The following SMOC2 variants were observed in gnomAD, a reference collection of about 807,000 sequenced individuals.
The protein encoded by SMOC2 is SPARC-related modular calcium-binding protein 2.
Under a neutral mutation model 61.4 loss-of-function variants are expected in SMOC2, and 39 were observed. The ratio of observed to expected loss-of-function variants is 0.64; its 90% confidence interval spans 0.49 to 0.83. The LOEUF is 0.83. Ranked by LOEUF, SMOC2 falls within the 40% of genes least tolerant of loss-of-function variation. The pLI is 0.00. For synonymous variants in SMOC2, 247 were observed against 239.9 expected (o/e 1.03, Z -0.27); for missense variants, 556 against 592.9 (o/e 0.94, Z 0.65).
chr6:168,605,851 T>G (rs1012816944), intron 8 of SMOC2, among the ~76,000 whole-genome samples: 1 of 152,036 alleles, frequency 6.6e-6, no homozygotes, highest in African/African-American at 2.4e-5. Context: ...TGCCCTCTGA[T>G]ACTCGGAGAA....
intron 1 of SMOC2, among the ~76,000 whole-genome samples, chr6:168,485,548 A>G (rs966309538): frequency 1.3e-5 from 2 of 152,214 alleles, no homozygotes; most frequent in African/African-American, 4.8e-5. Flanking sequence ...CAGAAACATT[A>G]TACTGAGAGT....
intron 10 of SMOC2, 25 bp downstream of exon 10, chr6:168,650,808 A>AC: frequency 6.3e-7 from 1 of 1,591,682 alleles, no homozygotes. Context: ...CCGTGGGACA[A>AC]CAAGTTGGCA....
At chr6:168,460,894 C>G (rs200725635) in intron 1 of SMOC2, among the ~76,000 whole-genome samples, 43,547 of 152,032 alleles carry the variant, frequency 0.29, 8,006 homozygotes, top group African/African-American at 0.51. Context: ...AATGAGTAAT[C>G]ACTATCAAAC....
intron 1 of SMOC2, among the ~76,000 whole-genome samples, chr6:168,471,647 A>G (rs1781970254): frequency 6.6e-6 from 1 of 152,180 alleles, no homozygotes; most frequent in South Asian, 2.1e-4. Flanking sequence ...TAGTGCCTAT[A>G]TCATTTTATA....
chr6:168,449,611 C>T (rs937180056), intron 1 of SMOC2, among the ~76,000 whole-genome samples: 1 of 151,958 alleles, frequency 6.6e-6, no homozygotes, highest in Non-Finnish European at 1.5e-5. Flanking sequence ...CTAAAATGTA[C>T]CTTGGAAAAA....
At chr6:168,524,943 G>A (rs1177160995) in intron 2 of SMOC2, among the ~76,000 whole-genome samples, 2 of 152,216 alleles carry the variant, frequency 1.3e-5, no homozygotes, top group Non-Finnish European at 2.9e-5. Flanking sequence ...TGGAGCCCAG[G>A]GCTGGTAATC....
chr6:168,564,756 A>G lies in SMOC2; in HGVS notation c.637+15553A>G, dbSNP rs531050381. Among the ~76,000 whole-genome samples, 5 of 152,330 alleles carry G rather than the reference A, an allele frequency of 3.3e-5. No homozygotes were observed. The East Asian group carries it at 9.7e-4, about 29-fold the overall frequency. The stretch of plus-strand genomic sequence containing the variant: ...TGTGAGCCAGTGTCAAGCCCATGAC[A>G]GGAGGCTGATGACGGGCAGCCGCTG... On this transcript the variant is annotated intron_variant, in intron 7 of 12. Coordinates refer to ENST00000356284, the MANE Select transcript of SMOC2 (RefSeq NM_001166412.2).
intron 9 of SMOC2, among the ~76,000 whole-genome samples, chr6:168,625,527 T>C (rs1160869276): frequency 6.6e-6 from 1 of 152,200 alleles, no homozygotes; most frequent in Non-Finnish European, 1.5e-5. Context: ...CTTTTGGTGG[T>C]TTTCTTTCTC....
intron 1 of SMOC2, among the ~76,000 whole-genome samples, chr6:168,481,237 A>G (rs1583046616): frequency 6.6e-6 from 1 of 152,290 alleles, no homozygotes; most frequent in East Asian, 1.9e-4. Context: ...ACACAATTTG[A>G]GACTAATACA....
intron 8 of SMOC2, 122 bp downstream of exon 8, chr6:168,599,126 TCACA>T (rs1050506202): frequency 7.2e-5 from 59 of 816,632 alleles, no homozygotes; most frequent in Admixed American, 2.5e-4. Flanking sequence ...ACACTCACAC[TCACA>T]CACACTGATA....
At chr6:168,589,093 A>G (rs952645697) in intron 7 of SMOC2, among the ~76,000 whole-genome samples, 1 of 152,002 alleles carries the variant, frequency 6.6e-6, no homozygotes, top group African/African-American at 2.4e-5. Context: ...AAAAAAAAAA[A>G]AAAGGAGTAA....
rs1428172592 is a variant in SMOC2 at position 168,452,634 on chromosome 6, C to G, written c.84+11180C>G. Among the ~76,000 whole-genome samples, 1 of 152,174 alleles carries G rather than the reference C, an allele frequency of 6.6e-6. No individual in the cohort carries two copies. The highest frequency in any genetic ancestry group is 1.5e-5 in the Non-Finnish European group (1 of 68,034). On this transcript the variant is annotated intron_variant, in intron 1 of 12. Coordinates refer to ENST00000356284, the MANE Select transcript of SMOC2 (RefSeq NM_001166412.2). This position sits in a 1 kb window ranked among gnomAD's most constrained non-coding sequence, Gnocchi z 5.0. Reference sequence around the variant, plus strand: ...TTCTGTGCTCAGATATTCAAAACACCACTTGCATTTTTTTGTACCCCAAAA... The same window carrying G: ...TTCTGTGCTCAGATATTCAAAACACGACTTGCATTTTTTTGTACCCCAAAA...
chr6:168,459,586 CCTGGGGTGGGTGAGCA>C lies in SMOC2; in HGVS notation c.84+18148_84+18163del, dbSNP rs1243480954. Among the ~76,000 whole-genome samples the C allele has an allele frequency of 1.4e-4, 15 of 105,310 alleles. No individual in the cohort carries two copies. In the East Asian group the frequency reaches 2.5e-3, roughly 18 times the overall value. 69.1% of individuals were successfully genotyped at this position (105,310 alleles called of 152,430 possible). On this transcript the variant is annotated intron_variant, in intron 1 of 12. Transcript: ENST00000356284. ...TGGGTGAGCCCTGGGGTGGATGAGC[CCTGGGGTGGGTGAGCA>C]CTGGGGTGGGTGAGCCCTGGGGTGG...
chr6:168,618,333 G>A (rs1277008702), intron 9 of SMOC2, among the ~76,000 whole-genome samples: 1 of 152,218 alleles, frequency 6.6e-6, no homozygotes, highest in Non-Finnish European at 1.5e-5. Flanking sequence ...GCGAGTCAAG[G>A]AGAGGCAGGT....
At chr6:168,612,244 C>G in intron 9 of SMOC2, among the ~76,000 whole-genome samples, 1 of 141,566 alleles carries the variant, frequency 7.1e-6, no homozygotes, top group South Asian at 2.3e-4. Flanking sequence ...AGCCTTTACT[C>G]AAACAGCAGC....
intron 4 of SMOC2, among the ~76,000 whole-genome samples, chr6:168,529,359 C>T (rs1005193561): frequency 2.6e-5 from 4 of 152,092 alleles, no homozygotes; most frequent in East Asian, 1.9e-4. Context: ...GCTTCGATGC[C>T]GAGGGGCAGT....
chr6:168,476,264 A>C (rs946754165), intron 1 of SMOC2, among the ~76,000 whole-genome samples: 1 of 152,132 alleles, frequency 6.6e-6, no homozygotes, highest in Non-Finnish European at 1.5e-5. Flanking sequence ...TTCGTGATAT[A>C]TAGTTAATCA....
chr6:168,442,525 T>C (rs1188488683), intron 1 of SMOC2, among the ~76,000 whole-genome samples: 1 of 152,242 alleles, frequency 6.6e-6, no homozygotes, highest in African/African-American at 2.4e-5. Context: ...TTAAATGTGT[T>C]TTTGAACAAG....
intron 7 of SMOC2, among the ~76,000 whole-genome samples, chr6:168,573,501 A>T (rs1784720203): frequency 6.6e-6 from 1 of 152,136 alleles, no homozygotes; most frequent in African/African-American, 2.4e-5. Context: ...CTCCCAGGCG[A>T]GCCTGCTGCT....
Sources: gnomAD v4.1 joint callset for allele counts (sites outside exome capture counted in the v4.1 genomes callset) on GRCh38, gnomAD v4.1.1 for gene constraint, Gnocchi (gnomAD v3.1) non-coding constraint, MANE v1.5 for transcripts, NCBI Gene and HGNC (gene_info 2026-07-23, HGNC 2026-07-21) for gene names.